GALNT13: variants seen among roughly 807,000 people sequenced by gnomAD.
The protein encoded by GALNT13 is UDP-GalNAc:polypeptide N-acetylgalactosaminyltransferase 13.
GALNT13 carries 28 observed loss-of-function variants against 64.2 expected under a neutral mutation model. That is an observed-to-expected ratio of 0.44 (90% CI 0.32 to 0.60). GALNT13 has a LOEUF of 0.60. GALNT13 is among the 20% of genes least tolerant of loss of function. GALNT13 has a pLI of 0.05. For missense variants in GALNT13, 577 were observed against 669.8 expected, an observed-to-expected ratio of 0.86 and a Z score of 1.53; for synonymous variants, 214 against 224.6, an observed-to-expected ratio of 0.95 and a Z score of 0.42.
At chr2:154,417,508 TA>T (rs1700067446) in intron 11 of GALNT13, among the ~76,000 whole-genome samples, 2 of 140,956 alleles carry the variant, frequency 1.4e-5, no homozygotes, top group South Asian at 2.2e-4. Flanking sequence ...TTTATTTATT[TA>T]TTTATTTATT....
the GALNT13 span, among the ~76,000 whole-genome samples, chr2:153,763,640 A>G: frequency 6.6e-6 from 1 of 152,178 alleles, no homozygotes; most frequent in African/African-American, 2.4e-5. Context: ...TAAATTACCC[A>G]GTCCCTCATA....
At chr2:153,263,330 T>C in the GALNT13 span, among the ~76,000 whole-genome samples, 1 of 152,122 alleles carries the variant, frequency 6.6e-6, no homozygotes, top group Non-Finnish European at 1.5e-5. Context: ...TCCATGCTTA[T>C]GGATAGGAAG....
chr2:153,845,516 A>T, the GALNT13 span, among the ~76,000 whole-genome samples: 1 of 152,238 alleles, frequency 6.6e-6, no homozygotes, highest in Non-Finnish European at 1.5e-5. Flanking sequence ...CAAGCCATTC[A>T]TGAGGGATCT....
chr2:153,785,312 C>T, the GALNT13 span, among the ~76,000 whole-genome samples: 1 of 152,114 alleles, frequency 6.6e-6, no homozygotes, highest in Non-Finnish European at 1.5e-5. Flanking sequence ...CCCAACCACC[C>T]TGGGCAGTGG....
chr2:153,289,649 A>G, the GALNT13 span, among the ~76,000 whole-genome samples: 1 of 152,202 alleles, frequency 6.6e-6, no homozygotes, highest in African/African-American at 2.4e-5. Flanking sequence ...ACTAATGAAT[A>G]CAACATGAGA....
At chr2:153,587,354 A>G in the GALNT13 span, among the ~76,000 whole-genome samples, 1 of 152,336 alleles carries the variant, frequency 6.6e-6, no homozygotes, top group South Asian at 2.1e-4. Context: ...TAAAGGCTGT[A>G]TGTGTCTGTT....
intron 3 of GALNT13, among the ~76,000 whole-genome samples, chr2:153,974,758 G>T (rs1367184796): frequency 2.0e-5 from 3 of 151,990 alleles, no homozygotes; most frequent in Non-Finnish European, 4.4e-5. Flanking sequence ...GTTACCAGAA[G>T]AATTAAGATT....
intron 3 of GALNT13, among the ~76,000 whole-genome samples, chr2:153,947,395 T>C (rs1461055897): frequency 6.6e-6 from 1 of 152,024 alleles, no homozygotes; most frequent in Non-Finnish European, 1.5e-5. Context: ...TGACTGCATA[T>C]ATGATGGTGA....
intron 3 of GALNT13, among the ~76,000 whole-genome samples, chr2:154,081,133 A>G (rs529652505): frequency 8.5e-4 from 129 of 151,504 alleles, no homozygotes; most frequent in Non-Finnish European, 1.5e-3. Flanking sequence ...TTTAGCATCA[A>G]CTCCACAGAG....
At chr2:153,268,167 G>GC in the GALNT13 span, among the ~76,000 whole-genome samples, 1 of 151,714 alleles carries the variant, frequency 6.6e-6, no homozygotes, top group African/African-American at 2.4e-5. Context: ...GTTCCTTTTA[G>GC]TTATAAGCCA....
At chr2:154,103,082 T>G (rs759737759) in intron 3 of GALNT13, among the ~76,000 whole-genome samples, 4 of 152,058 alleles carry the variant, frequency 2.6e-5, no homozygotes, top group Non-Finnish European at 4.4e-5. Context: ...TTTTTTTTCA[T>G]TATTCCTTCA....
chr2:154,030,820 T>C (rs1169203271), intron 3 of GALNT13, among the ~76,000 whole-genome samples: 4 of 152,212 alleles, frequency 2.6e-5, no homozygotes, highest in Admixed American at 6.5e-5. Context: ...TCTGCCATGA[T>C]TATAAGTTTC....
At chr2:153,182,298 C>A in the GALNT13 span, among the ~76,000 whole-genome samples, 1 of 152,166 alleles carries the variant, frequency 6.6e-6, no homozygotes, top group Non-Finnish European at 1.5e-5. Flanking sequence ...CCTGCCTCAG[C>A]CTCCCAAAGT....
At chr2:153,502,664 C>T in the GALNT13 span, among the ~76,000 whole-genome samples, 1 of 152,340 alleles carries the variant, frequency 6.6e-6, no homozygotes, top group East Asian at 1.9e-4. Flanking sequence ...GGAATCTCCA[C>T]ACTGTTTTCC....
chr2:153,688,157 G>A, the GALNT13 span, among the ~76,000 whole-genome samples: 1 of 151,870 alleles, frequency 6.6e-6, no homozygotes, highest in Non-Finnish European at 1.5e-5. Context: ...TTGGAACATA[G>A]CCACATCTAT....
At chr2:153,564,386 G>A in the GALNT13 span, among the ~76,000 whole-genome samples, 110 of 152,192 alleles carry the variant, frequency 7.2e-4, 1 homozygote, top group Middle Eastern at 0.02. Context: ...ACATAGAGGA[G>A]AAGTGTATTT....
At chr2:153,824,104 A>C in the GALNT13 span, among the ~76,000 whole-genome samples, 1 of 152,208 alleles carries the variant, frequency 6.6e-6, no homozygotes, top group African/African-American at 2.4e-5. Context: ...TGTTATTAAA[A>C]AGCCATAAAC....
chr2:153,554,656 A>ATGTGTG, the GALNT13 span, among the ~76,000 whole-genome samples: 2,000 of 146,214 alleles, frequency 0.014, 15 homozygotes, highest in South Asian at 0.04. Flanking sequence ...GATGCTGTAT[A>ATGTGTG]TGTGTGTGTG....
chr2:153,871,727 C>A (rs1001002919), upstream of GALNT13, among the ~76,000 whole-genome samples: 3 of 152,158 alleles, frequency 2.0e-5, no homozygotes, highest in African/African-American at 7.2e-5. Context: ...GGAGCGCGCT[C>A]GGTGCGCACC....
Sources: allele counts gnomAD v4.1 joint callset (sites outside exome capture counted in the v4.1 genomes callset), GRCh38; gene constraint gnomAD v4.1.1; transcripts MANE v1.5; gene names NCBI Gene and HGNC (gene_info 2026-07-23, HGNC 2026-07-21).